The following MAGI3 variants were observed in gnomAD, a reference collection of about 807,000 sequenced individuals.
The protein encoded by MAGI3 is membrane-associated guanylate kinase, WW and PDZ domain-containing protein 3.
In MAGI3, 43 loss-of-function variants were observed where a neutral mutation model predicts 121.8. The ratio of observed to expected loss-of-function variants is 0.35; its 90% CI spans 0.28 to 0.46. The LOEUF (loss-of-function observed/expected upper bound fraction) is 0.46, where lower values mean the gene tolerates loss of function less well. Ranked by LOEUF, MAGI3 falls within the 20% of genes least tolerant of loss-of-function variation. The pLI is 1.00. For synonymous variants in MAGI3, 553 were observed against 639.3 expected, an observed-to-expected ratio of 0.86 and a Z score of 2.04; for missense variants, 1,547 against 1,797.3, an observed-to-expected ratio of 0.86 and a Z score of 2.52.
rs531043243 is a variant in MAGI3 at position 113,428,130 on chromosome 1, G to A, written c.316+36781G>A. Among the ~76,000 whole-genome samples the A allele has an allele frequency of 9.9e-5, 15 of 152,214 alleles. No individual in the cohort carries two copies. In the East Asian group the frequency reaches 2.7e-3, roughly 27 times the overall value. ...TCTCTTAATGGTATCTTTTGATGAA[G>A]AGAAGTTCTTAATTTTAGTGTAGTT... On this transcript the variant is annotated intron_variant, in intron 1 of 20. Coordinates refer to ENST00000307546, the MANE Select transcript of MAGI3 (RefSeq NM_001142782.2).
At chr1:113,652,727 A>T (rs184235872) in intron 14 of MAGI3, among the ~76,000 whole-genome samples, 42 of 152,322 alleles carry the variant, frequency 2.8e-4, no homozygotes, top group African/African-American at 9.9e-4. Flanking sequence ...GACCTTATAA[A>T]TATGGACATG....
intron 19 of MAGI3, among the ~76,000 whole-genome samples, chr1:113,678,119 T>G (rs1647991652): frequency 6.6e-6 from 1 of 152,032 alleles, no homozygotes; most frequent in Admixed American, 6.6e-5. Flanking sequence ...TGTTGTTTTT[T>G]TTTTTTGCAG....
At chr1:113,451,654 G>A (rs1423698797) in intron 1 of MAGI3, among the ~76,000 whole-genome samples, 4 of 152,202 alleles carry the variant, frequency 2.6e-5, no homozygotes, top group African/African-American at 7.2e-5. Flanking sequence ...GTGGAAATGG[G>A]TAGTATGATC....
chr1:113,566,042 AT>A (rs1660423041), intron 2 of MAGI3, among the ~76,000 whole-genome samples: 1 of 152,186 alleles, frequency 6.6e-6, no homozygotes, highest in Non-Finnish European at 1.5e-5. Flanking sequence ...ATATCAACTG[AT>A]TTGTTGTAAA....
Position 113,580,173 on chromosome 1 carries a change from A to G in MAGI3, c.434-369A>G, listed in dbSNP as rs150025411. Among the ~76,000 whole-genome samples, 406 of 152,312 alleles carry G rather than the reference A, an allele frequency of 2.7e-3. 2 individuals are homozygous for G. Among genetic ancestry groups the G allele is most frequent in the African/African-American group, 9.3e-3 (385 of 41,582 alleles). The stretch of plus-strand genomic sequence containing the variant: ...TAAGCCTTTTATTCACATATAAAGT[A>G]ACTTTATAACCAGTGTTTGTCCAAC... On this transcript the variant is annotated intron_variant, in intron 2 of 20. Coordinates refer to ENST00000307546, the MANE Select transcript of MAGI3 (RefSeq NM_001142782.2).
intron 9 of MAGI3, among the ~76,000 whole-genome samples, chr1:113,626,359 A>T (rs893558592): frequency 6.6e-6 from 1 of 152,172 alleles, no homozygotes; most frequent in Admixed American, 6.5e-5. Flanking sequence ...GTCAAATTTT[A>T]CTTGCTAATA....
intron 16 of MAGI3, among the ~76,000 whole-genome samples, chr1:113,661,955 C>A (rs2101002513): frequency 6.6e-6 from 1 of 152,246 alleles, no homozygotes; most frequent in Middle Eastern, 3.4e-3. Context: ...CCATAAAGAT[C>A]TCATTCATGG....
chr1:113,601,728 AC>A, intron 6 of MAGI3, among the ~76,000 whole-genome samples: 1 of 144,360 alleles, frequency 6.9e-6, no homozygotes, highest in South Asian at 2.4e-4. Context: ...CTGGGTATAT[AC>A]CCAAAGGACT....
chr1:113,650,521 G>A (rs558532087), intron 13 of MAGI3, among the ~76,000 whole-genome samples: 6 of 152,252 alleles, frequency 3.9e-5, no homozygotes, highest in South Asian at 2.1e-4. Flanking sequence ...CTCTGTTCCC[G>A]CTGAGATTTA....
intron 6 of MAGI3, among the ~76,000 whole-genome samples, chr1:113,607,225 A>C (rs181871205): frequency 1.3e-4 from 20 of 152,340 alleles, no homozygotes; most frequent in African/African-American, 4.6e-4. Flanking sequence ...AAACAAACTA[A>C]GCTTCACTAC....
rs5777158 is a variant in MAGI3, at chr1:113,405,474, CAAAAA to C, written c.316+14149_316+14153del. Among the ~76,000 whole-genome samples, 20 of 54,354 alleles carry C rather than the reference CAAAAA, an allele frequency of 3.7e-4. No homozygotes were observed. In the East Asian group the frequency reaches 4.3e-3, roughly 12 times the overall value. The allele number at this position is 54,354 out of a possible 152,430, so 35.7% of individuals were successfully genotyped here. ...CCTGGGCAACAGAGTGAAACTGTCT[CAAAAA>C]AAAAAAAAAAAAAAAAAAAAAAAGA... On this transcript the variant is annotated intron_variant, in intron 1 of 20. Transcript: ENST00000307546.
intron 9 of MAGI3, among the ~76,000 whole-genome samples, chr1:113,638,658 G>A (rs1193071817): frequency 2.0e-5 from 3 of 152,226 alleles, no homozygotes; most frequent in Admixed American, 2.0e-4. Flanking sequence ...GTGCCTCCCA[G>A]TTAGGCTGCT....
At chr1:113,628,794 G>C (rs1651412602) in intron 9 of MAGI3, among the ~76,000 whole-genome samples, 1 of 152,130 alleles carries the variant, frequency 6.6e-6, no homozygotes, top group Admixed American at 6.5e-5. Context: ...ACATATTGGA[G>C]CTCCTTTGTA....
At chr1:113,463,188 T>C (rs748599994) in intron 1 of MAGI3, among the ~76,000 whole-genome samples, 3 of 151,872 alleles carry the variant, frequency 2.0e-5, no homozygotes, top group Non-Finnish European at 4.4e-5. Flanking sequence ...ATTGGAGATG[T>C]AGAGTAGTGG....
At chr1:113,649,652 C>T (rs951036892) in intron 13 of MAGI3, among the ~76,000 whole-genome samples, 1 of 152,194 alleles carries the variant, frequency 6.6e-6, no homozygotes, top group Non-Finnish European at 1.5e-5. Flanking sequence ...CATTTTCCTT[C>T]TCTAAGAAGC....
In MAGI3 at chr1:113,632,744, A is replaced by G. The variant is rs374330719; in HGVS notation, c.1361-9167A>G. 1.2e-4 allele frequency among the ~76,000 whole-genome samples: 19 copies of G among 152,338 alleles called. 1 individual carries two copies. In the South Asian group the frequency reaches 3.9e-3, roughly 32 times the overall value. On this transcript the variant is annotated intron_variant, in intron 9 of 20. Transcript: ENST00000307546. The stretch of plus-strand genomic sequence containing the variant: ...TTTCACCTTTTGAAATCTGATTTAT[A>G]CATCAAATTCAAAATTGCTGGAAAA...
chr1:113,441,897 G>A (rs2101459995), intron 1 of MAGI3, among the ~76,000 whole-genome samples: 1 of 152,100 alleles, frequency 6.6e-6, no homozygotes, highest in South Asian at 2.1e-4. Flanking sequence ...TTTCCATTAG[G>A]TCTTTACTCA....
chr1:113,642,172 A>G lies in MAGI3; in HGVS notation c.1622A>G (p.Asn541Ser). The change falls in exon 10 of 21, where the codon AAT (asparagine) becomes AGT (serine). Residue 541 changes from asparagine (N) to serine (S), a missense_variant. By Grantham distance (46) the Asn-to-Ser change is conservative (BLOSUM62 1). Coordinates refer to ENST00000307546, the MANE Select transcript of MAGI3 (RefSeq NM_001142782.2). ...FKPGAMVLEQ[N>S]GKSGHTLTGD... ...CCAGGAGCAATGGTTCTGGAGCAGA[A>G]TGGAAAATCGGGACACACTTTGACT... 6 of 1,614,182 alleles carry G rather than the reference A, an allele frequency of 3.7e-6. No individual in the cohort carries two copies. The highest frequency in any genetic ancestry group is 5.1e-6 in the Non-Finnish European group (6 of 1,180,038).
chr1:113,507,428 C>T (rs754752674), intron 1 of MAGI3, among the ~76,000 whole-genome samples: 1 of 152,102 alleles, frequency 6.6e-6, no homozygotes, highest in Non-Finnish European at 1.5e-5. Flanking sequence ...AAACGGTAAG[C>T]AGAAGGTTTG....
Sources: allele counts gnomAD v4.1 joint callset (sites outside exome capture counted in the v4.1 genomes callset), GRCh38; gene constraint gnomAD v4.1.1; transcripts MANE v1.5; gene names NCBI Gene and HGNC (gene_info 2026-07-23, HGNC 2026-07-21).